The following TMEM108 variants were observed in gnomAD, a reference collection of about 807,000 sequenced individuals.
TMEM108 encodes transmembrane protein 108.
A neutral mutation model predicts 35.1 loss-of-function variants in TMEM108; 12 were observed. The observed-to-expected ratio is 0.34, with a 90% CI of 0.22 to 0.55. The LOEUF is 0.55. TMEM108 is among the 20% of genes least tolerant of loss of function. TMEM108 has a pLI of 0.89. For missense variants in TMEM108, 680 were observed against 753.3 expected, an observed-to-expected ratio of 0.90 and a Z score of 1.14; for synonymous variants, 287 against 308.6, an observed-to-expected ratio of 0.93 and a Z score of 0.73.
intron 2 of TMEM108, among the ~76,000 whole-genome samples, chr3:133,101,974 T>G (rs1201925200): frequency 6.6e-6 from 1 of 152,230 alleles, no homozygotes; most frequent in Non-Finnish European, 1.5e-5. Flanking sequence ...AGTAATTTTT[T>G]GGGACCTAGT....
chr3:133,131,748 G>T (rs965841811), intron 2 of TMEM108, among the ~76,000 whole-genome samples: 5 of 151,902 alleles, frequency 3.3e-5, no homozygotes, highest in Admixed American at 6.6e-5. Flanking sequence ...TAGGCCTCTT[G>T]CATCAGCGAG....
At chr3:133,148,352 TA>T (rs1404177224) in intron 2 of TMEM108, among the ~76,000 whole-genome samples, 1 of 152,168 alleles carries the variant, frequency 6.6e-6, no homozygotes, top group East Asian at 1.9e-4. Context: ...TAGGCAAATA[TA>T]ATAGCTACTT....
At chr3:133,263,470 T>G (rs938141883) in intron 3 of TMEM108, among the ~76,000 whole-genome samples, 14 of 152,150 alleles carry the variant, frequency 9.2e-5, no homozygotes, top group African/African-American at 3.1e-4. Context: ...ACAATGAAAT[T>G]TTTCCCCAAA....
chr3:133,166,601 G>T (rs572909928), intron 2 of TMEM108, among the ~76,000 whole-genome samples: 11 of 152,210 alleles, frequency 7.2e-5, no homozygotes, highest in African/African-American at 2.4e-4. Context: ...GAGTGTTACA[G>T]CTCTTAAAGC....
At chr3:133,249,817 C>T (rs1272546403) in intron 3 of TMEM108, among the ~76,000 whole-genome samples, 2 of 151,958 alleles carry the variant, frequency 1.3e-5, no homozygotes, top group Admixed American at 1.3e-4. Context: ...AATAAATTTT[C>T]ACTACATTAA....
At position 133,331,489 on chromosome 3, in the gene TMEM108, C is replaced by T. The variant is rs530390988; in HGVS notation, c.41-48263C>T. On this transcript the variant is annotated intron_variant, in intron 3 of 5. Transcript: ENST00000321871. Reference sequence around the variant, plus strand: ...AGAAACTAGACAAATGACTGTATTTCCTAAAACCAATGACAAACTATCCAG... The same window carrying T: ...AGAAACTAGACAAATGACTGTATTTTCTAAAACCAATGACAAACTATCCAG... Among the ~76,000 whole-genome samples the T allele has an allele frequency of 3.9e-5, 6 of 152,258 alleles. No individual in the cohort carries two copies. The East Asian group carries it at 1.2e-3, about 29-fold the overall frequency.
At chr3:133,393,477 A>C (rs942147460) in intron 5 of TMEM108, among the ~76,000 whole-genome samples, 19 of 152,206 alleles carry the variant, frequency 1.2e-4, no homozygotes, top group Admixed American at 1.2e-3. Context: ...GTAAATGTTT[A>C]TCATGTGAAT....
In TMEM108 at chr3:133,346,728, A is replaced by C. The variant is rs2071828668; in HGVS notation, c.41-33024A>C. Among the ~76,000 whole-genome samples the C allele has an allele frequency of 1.3e-5, 2 of 152,026 alleles. No individual in the cohort carries two copies. Among genetic ancestry groups the C allele is most frequent in the Non-Finnish European group, 1.5e-5 (1 of 67,926 alleles). On this transcript the variant is annotated intron_variant, in intron 3 of 5. Coordinates refer to ENST00000321871, the MANE Select transcript of TMEM108 (RefSeq NM_023943.4). This position sits in a 1 kb window ranked among gnomAD's most constrained non-coding sequence, Gnocchi z 4.0. ...CTAAAAACTCATGAAACCCAAAGTC[A>C]CCTAAATTTTCTCCTATGTTATCTT...
At chr3:133,280,513 TA>T (rs1559890938) in intron 3 of TMEM108, among the ~76,000 whole-genome samples, 2 of 152,238 alleles carry the variant, frequency 1.3e-5, no homozygotes, top group African/African-American at 2.4e-5. Context: ...AAATTTTCAT[TA>T]CTCATGTAGA....
intron 2 of TMEM108, among the ~76,000 whole-genome samples, chr3:133,201,420 T>C (rs1945663818): frequency 6.6e-6 from 1 of 152,104 alleles, no homozygotes; most frequent in Non-Finnish European, 1.5e-5. Flanking sequence ...CTACAGTAGG[T>C]ATTTCTTCTA....
intron 2 of TMEM108, among the ~76,000 whole-genome samples, chr3:133,143,377 A>T (rs1944666592): frequency 6.6e-6 from 1 of 152,158 alleles, no homozygotes; most frequent in Admixed American, 6.5e-5. Context: ...CATATTCCCC[A>T]GGATATTAAA....
At chr3:133,196,951 A>G (rs1945587021) in intron 2 of TMEM108, among the ~76,000 whole-genome samples, 3 of 152,226 alleles carry the variant, frequency 2.0e-5, no homozygotes, top group African/African-American at 7.2e-5. Context: ...TGAGAAATTA[A>G]TATTTGGGTT....
At chr3:133,095,401 A>G (rs576391665) in intron 2 of TMEM108, among the ~76,000 whole-genome samples, 1 of 152,350 alleles carries the variant, frequency 6.6e-6, no homozygotes, top group Non-Finnish European at 1.5e-5. Flanking sequence ...AACTGGTTTC[A>G]TGGAAGACAG....
At chr3:133,294,874 G>A (rs1490697768) in intron 3 of TMEM108, among the ~76,000 whole-genome samples, 1 of 152,112 alleles carries the variant, frequency 6.6e-6, no homozygotes, top group East Asian at 1.9e-4. Flanking sequence ...TAATGTATGT[G>A]CCATTTCAAT....
At chr3:133,341,565 G>A (rs536781048) in intron 3 of TMEM108, among the ~76,000 whole-genome samples, 60 of 151,876 alleles carry the variant, frequency 4.0e-4, no homozygotes, top group Non-Finnish European at 5.5e-4. Context: ...GAACTGCAAA[G>A]ATCTAGAATA....
chr3:133,179,076 C>T lies in TMEM108; in HGVS notation c.-46-50190C>T, dbSNP rs1468022500. The stretch of plus-strand genomic sequence containing the variant: ...AAAAATGCTCATCATCACTGGCCAT[C>T]AGAGAAATGCAAATCAAAACCACAA... On this transcript the variant is annotated intron_variant, in intron 2 of 5. Transcript: ENST00000321871. Among the ~76,000 whole-genome samples the T allele has an allele frequency of 2.0e-5, 3 of 152,006 alleles. No homozygotes were observed. The East Asian group carries it at 5.8e-4, about 29-fold the overall frequency.
chr3:133,305,934 A>G (rs2071028612), intron 3 of TMEM108, among the ~76,000 whole-genome samples: 1 of 152,030 alleles, frequency 6.6e-6, no homozygotes, highest in Admixed American at 6.5e-5. Flanking sequence ...ATTGGGGTGT[A>G]AGAGCCCAAT....
In TMEM108 at chr3:133,244,738, G is replaced by A. The variant is rs182738930; in HGVS notation, c.40+15387G>A. On this transcript the variant is annotated intron_variant, in intron 3 of 5. Coordinates refer to ENST00000321871, the MANE Select transcript of TMEM108 (RefSeq NM_023943.4). ...TTTCCCGAAGTTCAAGGAATACTTCGAAAACGTAAAGTTCTGAAAACTAGA... is the reference window on the plus strand; with the variant it reads ...TTTCCCGAAGTTCAAGGAATACTTCAAAAACGTAAAGTTCTGAAAACTAGA... Among the ~76,000 whole-genome samples the A allele has an allele frequency of 5.9e-5, 9 of 152,278 alleles. No homozygotes were observed. The East Asian group carries it at 1.5e-3, about 26-fold the overall frequency.
At chr3:133,359,315 A>T (rs114715489) in intron 3 of TMEM108, among the ~76,000 whole-genome samples, 4,586 of 152,302 alleles carry the variant, frequency 0.03, 211 homozygotes, top group African/African-American at 0.097. Flanking sequence ...AATGTGCATT[A>T]TGAATTTCTA....
Sources: allele counts gnomAD v4.1 joint callset (sites outside exome capture counted in the v4.1 genomes callset), GRCh38; gene constraint gnomAD v4.1.1; non-coding constraint Gnocchi (gnomAD v3.1); transcripts MANE v1.5; gene names NCBI Gene and HGNC (gene_info 2026-07-23, HGNC 2026-07-21).